Variants in PDZD8 observed in about 807,000 individuals in gnomAD.
PDZD8 encodes the protein PDZ domain containing 8, also known as PDZ domain-containing protein 8.
In PDZD8, 14 loss-of-function variants were observed where a neutral mutation model predicts 85.8. The ratio of observed to expected loss-of-function variants is 0.16; its 90% CI spans 0.11 to 0.26. The LOEUF (loss-of-function observed/expected upper bound fraction) is 0.26, where lower values mean the gene tolerates loss of function less well. PDZD8 is among the 10% of genes least tolerant of loss of function. The pLI is 1.00. For synonymous variants in PDZD8, 592 were observed against 568.6 expected, an observed-to-expected ratio of 1.04 and a Z score of -0.59; for missense variants, 1,197 against 1,424.3, an observed-to-expected ratio of 0.84 and a Z score of 2.57.
chr10:117,320,426 T>G (rs116454915), intron 2 of PDZD8, among the ~76,000 whole-genome samples: 92 of 152,206 alleles, frequency 6.0e-4, no homozygotes, highest in African/African-American at 2.1e-3. Flanking sequence ...TTATTCCATA[T>G]TTTTCACAGC....
chr10:117,283,674 C>A lies in PDZD8; in HGVS notation c.3059G>T (p.Gly1020Val). The A allele has an allele frequency of 1.2e-6, 2 of 1,614,198 alleles. No individual in the cohort carries two copies. Among genetic ancestry groups the A allele is most frequent in the Non-Finnish European group, 1.7e-6 (2 of 1,180,044 alleles). The change falls in exon 5 of 5, where the codon GGT becomes GTT. Residue 1020 changes from glycine (G) to valine (V), a missense_variant. Physicochemically the swap from Gly to Val is moderately radical, Grantham distance 109. Coordinates refer to ENST00000334464, the MANE Select transcript of PDZD8 (RefSeq NM_173791.5). ...DSVFIAVKEIGRDLYRGLPTE... is the reference protein window; with the variant it reads ...DSVFIAVKEIVRDLYRGLPTE... ...AGGCAAGCCCCTGTACAGATCACGA[C>A]CAATTTCTTTAACTGCAATGAAAAC... is the stretch of plus-strand genomic sequence containing the variant.
chr10:117,286,161 A>G (rs541741599), intron 4 of PDZD8, among the ~76,000 whole-genome samples: 8 of 152,304 alleles, frequency 5.3e-5, no homozygotes, highest in Admixed American at 3.3e-4. Flanking sequence ...TAATTGTTAC[A>G]CGTAGTTTAA....
At chr10:117,291,745 T>G (rs905403735) in intron 3 of PDZD8, among the ~76,000 whole-genome samples, 26 of 151,898 alleles carry the variant, frequency 1.7e-4, no homozygotes, top group Admixed American at 1.4e-3. Context: ...ATCATTTTGT[T>G]TTCTAAATAA....
At chr10:117,309,446 C>A (rs1308030839) in intron 3 of PDZD8, among the ~76,000 whole-genome samples, 1 of 151,848 alleles carries the variant, frequency 6.6e-6, no homozygotes, top group African/African-American at 2.4e-5. Context: ...AACATTCCAT[C>A]TCTAGCCTGG....
intron 1 of PDZD8, among the ~76,000 whole-genome samples, chr10:117,342,257 A>G (rs1844626342): frequency 1.3e-5 from 2 of 152,234 alleles, no homozygotes; most frequent in African/African-American, 4.8e-5. Context: ...CCTCCATTAA[A>G]GCTAAAGAAA....
At chr10:117,366,739 A>G (rs896354527) in intron 1 of PDZD8, among the ~76,000 whole-genome samples, 8 of 152,202 alleles carry the variant, frequency 5.3e-5, no homozygotes, top group Non-Finnish European at 7.3e-5. Context: ...ATCTCTGAAG[A>G]AATAATAGAG....
intron 2 of PDZD8, among the ~76,000 whole-genome samples, 166 bp downstream of exon 2, chr10:117,340,814 T>C (rs1270394782): frequency 6.6e-6 from 1 of 152,222 alleles, no homozygotes; most frequent in African/African-American, 2.4e-5. Context: ...ATGATTTATA[T>C]TTGTTAAAGT....
At chr10:117,306,396 G>C (rs1843943980) in intron 3 of PDZD8, among the ~76,000 whole-genome samples, 1 of 152,064 alleles carries the variant, frequency 6.6e-6, no homozygotes, top group Non-Finnish European at 1.5e-5. Flanking sequence ...CTTTTACAAT[G>C]ATTGATGTTG....
chr10:117,284,891 A>G lies in PDZD8; in HGVS notation c.1842T>C (p.Val614=). Residue 614 remains valine, a synonymous_variant, in exon 5 of 5, where the codon GTT becomes GTC. Transcript: ENST00000334464. ...ADAPNQAEPD[V]LVEKPEKVVP... ...CCACCTTCTCTGGCTTTTCAACGAG[A>G]ACATCTGGTTCTGCCTGATTTGGAG... 1.4e-5 allele frequency: 22 copies of G among 1,614,082 alleles called. No individual in the cohort carries two copies. Among genetic ancestry groups the G allele is most frequent in the Non-Finnish European group, 1.9e-5 (22 of 1,180,010 alleles).
At chr10:117,334,233 T>C (rs1392919997) in intron 2 of PDZD8, among the ~76,000 whole-genome samples, 1 of 152,172 alleles carries the variant, frequency 6.6e-6, no homozygotes, top group Non-Finnish European at 1.5e-5. Context: ...GCCTGTAATG[T>C]TGGGCTTCAT....
rs926560552 is a variant in PDZD8 at position 117,367,668 on chromosome 10, T to C, written c.872+6688A>G. On this transcript the variant is annotated intron_variant, in intron 1 of 4. Coordinates refer to ENST00000334464, the MANE Select transcript of PDZD8 (RefSeq NM_173791.5). ...GTGCTAAGAAAGCTAATGTGGTGGC[T>C]CATGCCTGTAATCCCAGCACTTTGG... 8.5e-5 allele frequency among the ~76,000 whole-genome samples: 13 copies of C among 152,216 alleles called. 1 individual carries two copies. Among genetic ancestry groups the C allele is most frequent in the Admixed American group, 7.8e-4 (12 of 15,298 alleles).
At chr10:117,352,901 A>C (rs1844830875) in intron 1 of PDZD8, among the ~76,000 whole-genome samples, 1 of 152,098 alleles carries the variant, frequency 6.6e-6, no homozygotes, top group South Asian at 2.1e-4. Context: ...TGGGGTGGCC[A>C]GCTAACAGGG....
chr10:117,286,100 G>T (rs1365479512), intron 4 of PDZD8, among the ~76,000 whole-genome samples: 1 of 152,106 alleles, frequency 6.6e-6, no homozygotes, highest in Non-Finnish European at 1.5e-5. Flanking sequence ...AAACAAGCTG[G>T]TTACTATCTG....
intron 1 of PDZD8, among the ~76,000 whole-genome samples, chr10:117,342,525 T>C (rs1694015269): frequency 6.6e-6 from 1 of 152,254 alleles, no homozygotes; most frequent in Admixed American, 6.5e-5. Context: ...TTGCCCAAGC[T>C]GGAGTGCAGT....
rs545656047 is a variant in PDZD8 at position 117,374,370 on chromosome 10, C to T, written c.858G>A (p.Pro286=). The T allele has an allele frequency of 6.2e-7, 1 of 1,613,780 alleles. No homozygotes were observed. Among genetic ancestry groups the T allele is most frequent in the Non-Finnish European group, 8.5e-7 (1 of 1,179,710 alleles). The part of the protein sequence containing the change: ...KKIIKRKHTL[P]NYKIRFKPFF... ...CTCCAGCTCACCTGATCTTGTAATTCGGTAGGGTGTGCTTGCGCTTGATGA... is the reference window on the plus strand; with the variant it reads ...CTCCAGCTCACCTGATCTTGTAATTTGGTAGGGTGTGCTTGCGCTTGATGA... The change falls in exon 1 of 5, where the codon CCG becomes CCA. Residue 286 remains proline, a synonymous_variant. Transcript: ENST00000334464. This position sits in a 1 kb window ranked among gnomAD's most constrained non-coding sequence, Gnocchi z 7.8.
At chr10:117,291,769 T>A (rs1003960678) in intron 3 of PDZD8, among the ~76,000 whole-genome samples, 5 of 151,846 alleles carry the variant, frequency 3.3e-5, no homozygotes, top group Non-Finnish European at 5.9e-5. Flanking sequence ...TGCCATCCAA[T>A]TTTCAGGAAT....
At chr10:117,321,347 G>T (rs1047885249) in intron 2 of PDZD8, among the ~76,000 whole-genome samples, 3 of 152,078 alleles carry the variant, frequency 2.0e-5, no homozygotes, top group African/African-American at 7.2e-5. Context: ...CATACACTAT[G>T]AATGAACCTT....
At chr10:117,320,931 T>G (rs1204038129) in intron 2 of PDZD8, among the ~76,000 whole-genome samples, 1 of 152,134 alleles carries the variant, frequency 6.6e-6, no homozygotes, top group African/African-American at 2.4e-5. Flanking sequence ...CATTAGCCAT[T>G]GAAGAAGGGC....
rs1844458934 is a variant in PDZD8, at chr10:117,333,143, A to AAAAAAAAG, written c.995+7836_995+7837insCTTTTTTT. 4.7e-5 allele frequency among the ~76,000 whole-genome samples: 7 copies of AAAAAAAAG among 148,988 alleles called. No individual in the cohort carries two copies. In the South Asian group the frequency reaches 8.5e-4, roughly 18 times the overall value. On this transcript the variant is annotated intron_variant, in intron 2 of 4. Transcript: ENST00000334464. ...AAAAAAAAAAAAAAAAAAAAAAAAAAGGGGATATGGAGGCAGAATAAGATA... is the reference window on the plus strand; with the variant it reads ...AAAAAAAAAAAAAAAAAAAAAAAAAAAAAAAAAGGGGGATATGGAGGCAGAATAAGATA...
Sources: allele counts gnomAD v4.1 joint callset (sites outside exome capture counted in the v4.1 genomes callset), GRCh38; gene constraint gnomAD v4.1.1; non-coding constraint Gnocchi (gnomAD v3.1); transcripts MANE v1.5; gene names NCBI Gene and HGNC (gene_info 2026-07-23, HGNC 2026-07-21).